Variants in SLC9A9 observed in about 807,000 individuals in gnomAD.
SLC9A9 encodes the protein sodium/hydrogen exchanger 9.
A neutral mutation model predicts 77.8 loss-of-function variants in SLC9A9; 62 were observed. That is an observed-to-expected ratio of 0.80 (90% CI 0.65 to 0.98). SLC9A9 has a LOEUF of 0.98. SLC9A9 is among the 50% of genes least tolerant of loss of function. The probability of loss-of-function intolerance (pLI) is 0.00; values close to 1 mark genes in which losing one functional copy is unlikely to be tolerated. For synonymous variants in SLC9A9, 320 were observed against 283.5 expected, an observed-to-expected ratio of 1.13 and a Z score of -1.29; for missense variants, 775 against 774.9, an observed-to-expected ratio of 1.00 and a Z score of 0.00.
At chr3:143,503,813 G>A (rs1247800727) in intron 9 of SLC9A9, 3 of 338,490 alleles carry the variant, frequency 8.9e-6, no homozygotes, top group South Asian at 7.1e-5. Flanking sequence ...TAAGCAGTTG[G>A]TGACACAGGA....
intron 14 of SLC9A9, among the ~76,000 whole-genome samples, chr3:143,349,565 C>T (rs10446324): frequency 0.7 from 107,062 of 152,146 alleles, 39,326 homozygotes; most frequent in African/African-American, 0.92. Flanking sequence ...ATCATTGTCA[C>T]TGTCCCCATT....
intron 14 of SLC9A9, among the ~76,000 whole-genome samples, chr3:143,311,191 G>A (rs902254171): frequency 2.0e-5 from 3 of 152,142 alleles, no homozygotes; most frequent in Non-Finnish European, 4.4e-5. Flanking sequence ...TGTCTACCAC[G>A]ACCAGGACTC....
chr3:143,701,287 T>G (rs761213215), intron 4 of SLC9A9, among the ~76,000 whole-genome samples: 2 of 152,050 alleles, frequency 1.3e-5, no homozygotes, highest in Non-Finnish European at 2.9e-5. Context: ...GTGGAAAACA[T>G]AACCTCACCA....
intron 14 of SLC9A9, among the ~76,000 whole-genome samples, chr3:143,341,204 G>C (rs2032087011): frequency 6.6e-6 from 1 of 152,084 alleles, no homozygotes; most frequent in African/African-American, 2.4e-5. Context: ...CTTTTTCACT[G>C]TTCATGTGCT....
At chr3:143,325,600 G>A (rs926352700) in intron 14 of SLC9A9, among the ~76,000 whole-genome samples, 22 of 152,198 alleles carry the variant, frequency 1.4e-4, no homozygotes, top group African/African-American at 4.3e-4. Context: ...TGTTAAGGGT[G>A]AGAGTGTTGT....
At chr3:143,464,354 T>C (rs1170868176) in intron 12 of SLC9A9, among the ~76,000 whole-genome samples, 2 of 152,214 alleles carry the variant, frequency 1.3e-5, no homozygotes, top group African/African-American at 4.8e-5. Context: ...TTTGACAACA[T>C]TATAAACCAT....
intron 12 of SLC9A9, among the ~76,000 whole-genome samples, chr3:143,401,437 A>G (rs6805036): frequency 0.055 from 8,400 of 152,242 alleles, 326 homozygotes; most frequent in African/African-American, 0.11. Context: ...CTCAGCTTGA[A>G]TGTGCCATTG....
At chr3:143,788,692 A>G (rs1301598330) in intron 4 of SLC9A9, among the ~76,000 whole-genome samples, 1 of 148,988 alleles carries the variant, frequency 6.7e-6, no homozygotes, top group Non-Finnish European at 1.5e-5. Context: ...CTCCATCAAA[A>G]AAAAAAAAAA....
chr3:143,705,263 T>A (rs1450828062), intron 4 of SLC9A9, among the ~76,000 whole-genome samples: 6 of 151,532 alleles, frequency 4.0e-5, no homozygotes, highest in Non-Finnish European at 7.4e-5. Flanking sequence ...CTCACAGAAA[T>A]AGAAAGTAGG....
At chr3:143,634,075 G>A (rs991680023) in intron 6 of SLC9A9, among the ~76,000 whole-genome samples, 6 of 152,068 alleles carry the variant, frequency 3.9e-5, no homozygotes, top group Non-Finnish European at 7.3e-5. Flanking sequence ...TGGTCAAGTC[G>A]AAAGCCAACC....
intron 12 of SLC9A9, among the ~76,000 whole-genome samples, chr3:143,414,001 G>T (rs1437677702): frequency 6.6e-6 from 1 of 152,246 alleles, no homozygotes; most frequent in African/African-American, 2.4e-5. Context: ...CTGGCCCAGG[G>T]CTAGACACAT....
intron 9 of SLC9A9, chr3:143,504,049 G>T: frequency 2.0e-6 from 1 of 496,444 alleles, no homozygotes; most frequent in South Asian, 1.5e-5. Context: ...CTGGAAGATG[G>T]TTATGGGATT....
chr3:143,546,486 G>C (rs575686886), intron 9 of SLC9A9, among the ~76,000 whole-genome samples: 217 of 152,304 alleles, frequency 1.4e-3, no homozygotes, highest in Non-Finnish European at 1.2e-3. Flanking sequence ...TTTTCAAAAA[G>C]AGCAGAATCA....
Position 143,794,986 on chromosome 3 carries a change from C to T in SLC9A9, c.533+15G>A. On this transcript the variant is annotated intron_variant, in intron 4 of 15. Transcript: ENST00000316549. ...CCCACAGCCACCTGCAACTTGAGCT[C>T]CGAATGTCACTTACCCTATGACGAT... 6.2e-7 allele frequency: 1 copy of T among 1,612,814 alleles called. No individual in the cohort carries two copies. Among genetic ancestry groups the T allele is most frequent in the Non-Finnish European group, 8.5e-7 (1 of 1,178,918 alleles).
chr3:143,275,203 C>T (rs1052542082), intron 14 of SLC9A9, among the ~76,000 whole-genome samples: 3 of 152,160 alleles, frequency 2.0e-5, no homozygotes, highest in Non-Finnish European at 4.4e-5. Context: ...TATTTTATTT[C>T]TTTTGACATG....
intron 1 of SLC9A9, among the ~76,000 whole-genome samples, chr3:143,845,640 C>G (rs1371431747): frequency 2.6e-5 from 4 of 152,160 alleles, no homozygotes. Context: ...TGGGATTCAG[C>G]TTCTGCCTCT....
chr3:143,781,524 G>A (rs2007882787), intron 4 of SLC9A9, among the ~76,000 whole-genome samples: 1 of 152,294 alleles, frequency 6.6e-6, no homozygotes, highest in East Asian at 1.9e-4. Context: ...CCCATGACAA[G>A]CTGAAGAAAA....
At chr3:143,444,892 G>T (rs565022915) in intron 12 of SLC9A9, among the ~76,000 whole-genome samples, 2 of 152,320 alleles carry the variant, frequency 1.3e-5, no homozygotes, top group South Asian at 4.1e-4. Flanking sequence ...GCCCATGTGG[G>T]CATTTGTGAG....
intron 4 of SLC9A9, among the ~76,000 whole-genome samples, chr3:143,734,693 C>A (rs1576690276): frequency 6.8e-6 from 1 of 146,016 alleles, no homozygotes; most frequent in African/African-American, 2.6e-5. Flanking sequence ...AAGATCCCGC[C>A]ACTGCACTCC....
Sources: gnomAD v4.1 joint callset for allele counts (sites outside exome capture counted in the v4.1 genomes callset) on GRCh38, gnomAD v4.1.1 for gene constraint, MANE v1.5 for transcripts, NCBI Gene and HGNC (gene_info 2026-07-23, HGNC 2026-07-21) for gene names.